Variants in KIFAP3 observed in about 807,000 individuals in gnomAD.
KIFAP3 encodes the protein kinesin-associated protein 3.
Under a neutral mutation model 106.5 loss-of-function variants are expected in KIFAP3, and 68 were observed. That is an observed-to-expected ratio of 0.64 (90% CI 0.53 to 0.78). The LOEUF is 0.78. KIFAP3 is among the 30% of genes least tolerant of loss of function. The probability of loss-of-function intolerance (pLI) is 0.00; values close to 1 mark genes in which losing one functional copy is unlikely to be tolerated. For synonymous variants in KIFAP3, 320 were observed against 311.5 expected (o/e 1.03, Z -0.29); for missense variants, 780 against 941.8 (o/e 0.83, Z 2.25).
chr1:170,034,753 T>A (rs527628278), intron 6 of KIFAP3, among the ~76,000 whole-genome samples: 11 of 152,040 alleles, frequency 7.2e-5, no homozygotes, highest in African/African-American at 2.6e-4. Flanking sequence ...ACCACCATAT[T>A]AACTACTCAG....
intron 19 of KIFAP3, among the ~76,000 whole-genome samples, chr1:169,929,233 G>T (rs1036339473): frequency 6.6e-6 from 1 of 152,078 alleles, no homozygotes; most frequent in African/African-American, 2.4e-5. Context: ...GATAATTAAT[G>T]TCCAGTTTTA....
At chr1:169,945,418 G>C (rs1032889010) in intron 19 of KIFAP3, among the ~76,000 whole-genome samples, 1 of 152,162 alleles carries the variant, frequency 6.6e-6, no homozygotes, top group African/African-American at 2.4e-5. Flanking sequence ...TGCCAACTTG[G>C]CAGGGGGCAG....
intron 16 of KIFAP3, among the ~76,000 whole-genome samples, chr1:169,974,433 GTTAC>G (rs1197389192): frequency 1.3e-5 from 2 of 151,852 alleles, no homozygotes; most frequent in Non-Finnish European, 2.9e-5. Context: ...ACTCATTAGT[GTTAC>G]TTACTATTTA....
At chr1:169,982,651 C>G (rs1261273022) in intron 14 of KIFAP3, 51 bp downstream of exon 14, 5 of 1,276,508 alleles carry the variant, frequency 3.9e-6, no homozygotes, top group Non-Finnish European at 5.4e-6. Context: ...TTATCCATAA[C>G]AGAAAGAAAT....
intron 16 of KIFAP3, among the ~76,000 whole-genome samples, chr1:169,972,973 A>G (rs907438037): frequency 6.6e-6 from 1 of 151,142 alleles, no homozygotes; most frequent in Admixed American, 6.6e-5. Context: ...AAATTCAGGA[A>G]AACTAATTTC....
chr1:169,997,878 A>G (rs1315412263), intron 10 of KIFAP3, among the ~76,000 whole-genome samples: 1 of 30,012 alleles, frequency 3.3e-5, no homozygotes, highest in Non-Finnish European at 4.8e-5. Context: ...AAAAAAAAAA[A>G]AAAAGAAAAA....
chr1:169,943,124 A>G (rs1171997292), intron 19 of KIFAP3, among the ~76,000 whole-genome samples: 1 of 152,122 alleles, frequency 6.6e-6, no homozygotes, highest in Non-Finnish European at 1.5e-5. Flanking sequence ...CCTATTCAGA[A>G]TAAGTGCAAA....
intron 1 of KIFAP3, among the ~76,000 whole-genome samples, chr1:170,074,125 G>GA (rs200955714): frequency 4.1e-4 from 59 of 144,498 alleles, no homozygotes; most frequent in East Asian, 2.0e-3. Context: ...GGGAAGAGGC[G>GA]AAAAAAAAAA....
At chr1:169,973,651 A>G (rs1666062969) in intron 16 of KIFAP3, among the ~76,000 whole-genome samples, 1 of 151,856 alleles carries the variant, frequency 6.6e-6, no homozygotes, top group Non-Finnish European at 1.5e-5. Context: ...TAGACTGACT[A>G]CAGACTTCTC....
intron 16 of KIFAP3, among the ~76,000 whole-genome samples, chr1:169,977,715 G>A (rs16862874): frequency 0.1 from 15,894 of 152,122 alleles, 983 homozygotes; most frequent in East Asian, 0.19. Flanking sequence ...ATAGTTGGTA[G>A]CTGAACTCAT....
At chr1:169,946,664 C>T (rs1664454190) in intron 19 of KIFAP3, among the ~76,000 whole-genome samples, 1 of 151,928 alleles carries the variant, frequency 6.6e-6, no homozygotes, top group African/African-American at 2.4e-5. Flanking sequence ...CCTATAACCT[C>T]ACACACTTTT....
chr1:169,928,699 C>CAAA (rs10690029), intron 19 of KIFAP3, among the ~76,000 whole-genome samples: 583 of 37,760 alleles, frequency 0.015, 41 homozygotes, highest in African/African-American at 0.065. Context: ...ACCCTGTCTC[C>CAAA]AAAAAAAAAA....
chr1:169,992,228 A>G lies in KIFAP3; in HGVS notation c.1211T>C (p.Met404Thr). The change falls in exon 11 of 20, where the codon ATG (methionine) becomes ACG (threonine). Residue 404 changes from methionine to threonine, a missense_variant. Met to Thr is a moderately conservative substitution (Grantham distance 81, BLOSUM62 -1). Around this residue, in one of 3 missense-constraint regions of KIFAP3, gnomAD observed 588 missense variants for 678.9 expected, o/e 0.87. Transcript: ENST00000361580. Reference sequence around the variant, plus strand: ...CATGCTTATGTGGTAAAGAACACACATTGCTATTTGTTTGTAGTTGTCATT... The same window carrying G: ...CATGCTTATGTGGTAAAGAACACACGTTGCTATTTGTTTGTAGTTGTCATT... The part of the protein sequence containing the change: ...LGNDNYKQIA[M>T]CVLYHISMDD... The G allele has an allele frequency of 1.3e-6, 2 of 1,580,964 alleles. No homozygotes were observed. The highest frequency in any genetic ancestry group is 2.3e-5 in the East Asian group (1 of 42,592).
chr1:170,064,027 A>C (rs1277831945), intron 1 of KIFAP3, among the ~76,000 whole-genome samples: 1 of 152,212 alleles, frequency 6.6e-6, no homozygotes, highest in African/African-American at 2.4e-5. Context: ...ATTTGTAAAT[A>C]ACTTTTTTGC....
At chr1:170,039,575 A>G (rs1669870695) in intron 3 of KIFAP3, among the ~76,000 whole-genome samples, 1 of 152,180 alleles carries the variant, frequency 6.6e-6, no homozygotes, top group African/African-American at 2.4e-5. Flanking sequence ...GGCAACAAGA[A>G]GCAAAATAGT....
At chr1:169,977,243 G>C (rs959801081) in intron 16 of KIFAP3, among the ~76,000 whole-genome samples, 1 of 152,146 alleles carries the variant, frequency 6.6e-6, no homozygotes, top group Non-Finnish European at 1.5e-5. Context: ...AGCTTAAGAG[G>C]CTGTGTAGAT....
At chr1:170,066,675 G>C (rs984137438) in intron 1 of KIFAP3, among the ~76,000 whole-genome samples, 39 of 152,150 alleles carry the variant, frequency 2.6e-4, no homozygotes, top group African/African-American at 8.9e-4. Flanking sequence ...TGAGGCTAGA[G>C]ACACAAAAAC....
intron 1 of KIFAP3, among the ~76,000 whole-genome samples, chr1:170,060,695 A>G (rs1435003682): frequency 2.0e-5 from 3 of 152,234 alleles, no homozygotes; most frequent in African/African-American, 7.2e-5. Context: ...AACAGCCCGC[A>G]TCACCAAGTC....
At chr1:169,983,501 A>C (rs551696555) in intron 12 of KIFAP3, 119 bp from the exon 13 acceptor site, 1 of 667,488 alleles carries the variant, frequency 1.5e-6, no homozygotes, top group South Asian at 1.8e-5. Flanking sequence ...TCTTAAGGGT[A>C]CAATTTGATT....
Sources: gnomAD v4.1 joint callset for allele counts (sites outside exome capture counted in the v4.1 genomes callset) on GRCh38, gnomAD v4.1.1 for gene constraint, gnomAD v4.1.1 regional missense constraint, MANE v1.5 for transcripts, NCBI Gene and HGNC (gene_info 2026-07-23, HGNC 2026-07-21) for gene names.